Variants in CFAP300 observed in about 807,000 individuals in gnomAD.
CFAP300 encodes cilia- and flagella-associated protein 300.
CFAP300 carries 32 observed loss-of-function variants against 33.0 expected under a neutral mutation model. That is an observed-to-expected ratio of 0.97 (90% CI 0.73 to 1.30). The LOEUF (loss-of-function observed/expected upper bound fraction) is 1.30, where lower values mean the gene tolerates loss of function less well. Among genes scored for constraint, CFAP300 ranks in the 50% most tolerant of loss-of-function variants. The pLI, the probability that CFAP300 is intolerant of heterozygous loss-of-function variation, is 0.00. For synonymous variants in CFAP300, 102 were observed against 106.8 expected (o/e 0.95, Z 0.28); for missense variants, 356 against 318.1 (o/e 1.12, Z -0.90).
At chr11:102,054,650 A>G (rs1942022389) in intron 2 of CFAP300, among the ~76,000 whole-genome samples, 1 of 149,416 alleles carries the variant, frequency 6.7e-6, no homozygotes, top group Non-Finnish European at 1.5e-5. Flanking sequence ...AATCTATTGA[A>G]CCCAGGAGGT....
At chr11:102,080,611 G>T (rs936848573) in intron 5 of CFAP300, among the ~76,000 whole-genome samples, 1 of 151,978 alleles carries the variant, frequency 6.6e-6, no homozygotes, top group African/African-American at 2.4e-5. Context: ...TGTTGGTCAG[G>T]CTGGTCTCGA....
intron 4 of CFAP300, among the ~76,000 whole-genome samples, chr11:102,072,251 T>A (rs985243267): frequency 5.9e-5 from 9 of 152,100 alleles, no homozygotes; most frequent in Non-Finnish European, 1.0e-4. Context: ...TCTTTGGCTT[T>A]ATGTAGTCTA....
At chr11:102,058,406 G>A (rs749399339) in intron 2 of CFAP300, among the ~76,000 whole-genome samples, 1 of 151,614 alleles carries the variant, frequency 6.6e-6, no homozygotes, top group Non-Finnish European at 1.5e-5. Context: ...ACTACAAAAG[G>A]ATCTGGAACT....
intron 4 of CFAP300, among the ~76,000 whole-genome samples, chr11:102,072,173 C>A (rs1341941890): frequency 2.6e-5 from 4 of 151,078 alleles, no homozygotes; most frequent in African/African-American, 7.3e-5. Flanking sequence ...TTTGTTCATT[C>A]TTTTTCTCTT....
chr11:102,061,655 A>G (rs762977671), intron 3 of CFAP300, among the ~76,000 whole-genome samples: 1 of 152,236 alleles, frequency 6.6e-6, no homozygotes, highest in Non-Finnish European at 1.5e-5. Flanking sequence ...ACAAATGAAT[A>G]GTCAGAGGCA....
At chr11:102,080,691 C>T (rs560759299) in intron 5 of CFAP300, among the ~76,000 whole-genome samples, 5 of 152,188 alleles carry the variant, frequency 3.3e-5, no homozygotes, top group African/African-American at 9.6e-5. Context: ...TGAGCCACCG[C>T]GACCGGCCCA....
chr11:102,066,018 C>A (rs979459961), intron 3 of CFAP300, among the ~76,000 whole-genome samples: 1 of 144,516 alleles, frequency 6.9e-6, no homozygotes. Flanking sequence ...AGTGCAGTGT[C>A]GCAATCTTGG....
intron 5 of CFAP300, among the ~76,000 whole-genome samples, chr11:102,080,448 G>T (rs995415304): frequency 6.6e-6 from 1 of 151,870 alleles, no homozygotes; most frequent in African/African-American, 2.4e-5. Flanking sequence ...ATGGAGTTTC[G>T]CTCCTGTTGC....
At chr11:102,048,089 C>T (rs2135006962) in intron 2 of CFAP300, among the ~76,000 whole-genome samples, 193 bp downstream of exon 2, 1 of 152,066 alleles carries the variant, frequency 6.6e-6, no homozygotes, top group East Asian at 1.9e-4. Flanking sequence ...AATTTGTTTG[C>T]CATTTAGTTC....
intron 2 of CFAP300, among the ~76,000 whole-genome samples, chr11:102,048,808 G>GT (rs137989907): frequency 0.13 from 19,891 of 149,068 alleles, 1,721 homozygotes; most frequent in East Asian, 0.39. Flanking sequence ...TTTCAATCCT[G>GT]TTTTTTTTTT....
intron 3 of CFAP300, among the ~76,000 whole-genome samples, chr11:102,064,802 G>A (rs897241233): frequency 3.3e-5 from 5 of 152,144 alleles, no homozygotes; most frequent in African/African-American, 4.8e-5. Flanking sequence ...CTGATTCAGT[G>A]ATCGATGGAG....
At chr11:102,047,778 A>C in intron 1 of CFAP300, 37 bp from the exon 2 acceptor site, 1 of 1,604,706 alleles carries the variant, frequency 6.2e-7, no homozygotes, top group Non-Finnish European at 8.5e-7. Flanking sequence ...AGAGGGTGCC[A>C]GCCCCCAGAT....
chr11:102,077,658 T>C (rs551924631), intron 5 of CFAP300, among the ~76,000 whole-genome samples: 67 of 152,312 alleles, frequency 4.4e-4, no homozygotes, highest in Admixed American at 3.0e-3. Flanking sequence ...CACTGCAACC[T>C]CCACCTCCTG....
intron 2 of CFAP300, among the ~76,000 whole-genome samples, chr11:102,054,804 A>G (rs915384724): frequency 3.3e-5 from 5 of 151,402 alleles, no homozygotes; most frequent in Admixed American, 6.6e-5. Flanking sequence ...AAGAGGGAAA[A>G]GTGAGTGATC....
At position 102,048,268 on chromosome 11, in the gene CFAP300, G is replaced by C. The variant is rs1211442140; in HGVS notation, c.192+372G>C. The stretch of plus-strand genomic sequence containing the variant: ...ATTTTTTGAAACAGGGTCTTTCTCT[G>C]TCACCCAGGCTGAATAAAGTGCAGT... On this transcript the variant is annotated intron_variant, in intron 2 of 6. Coordinates refer to ENST00000434758, the MANE Select transcript of CFAP300 (RefSeq NM_032930.3). 2.0e-5 allele frequency among the ~76,000 whole-genome samples: 3 copies of C among 151,754 alleles called. No individual in the cohort carries two copies. In the East Asian group the frequency reaches 5.8e-4, roughly 29 times the overall value.
chr11:102,080,822 A>G (rs974844714), intron 5 of CFAP300, among the ~76,000 whole-genome samples: 2 of 152,230 alleles, frequency 1.3e-5, no homozygotes, highest in Non-Finnish European at 2.9e-5. Flanking sequence ...AAAGTGAAAG[A>G]ACTAGCATTT....
intron 6 of CFAP300, among the ~76,000 whole-genome samples, chr11:102,082,360 AAG>A (rs1174828586): frequency 1.3e-5 from 2 of 152,056 alleles, no homozygotes; most frequent in Non-Finnish European, 2.9e-5. Flanking sequence ...GACTGGGCAA[AAG>A]AGTAAGACTC....
intron 2 of CFAP300, 80 bp from the exon 3 acceptor site, chr11:102,058,800 G>A (rs918451712): frequency 1.5e-5 from 12 of 787,010 alleles, no homozygotes; most frequent in Non-Finnish European, 2.0e-5. Context: ...AATTAAAGGA[G>A]ATTATAGTTA....
At position 102,075,866 on chromosome 11, in the gene CFAP300, G is replaced by C; in HGVS notation, c.436-7G>C. 2 of 1,584,718 alleles carry C rather than the reference G, an allele frequency of 1.3e-6. No individual in the cohort carries two copies. Among genetic ancestry groups the C allele is most frequent in the Non-Finnish European group, 1.7e-6 (2 of 1,159,678 alleles). ...ATGTTACATTAAGATGAATTTTATC[G>C]TCTTAGGTTTTGCTAGTGGAAGACT... is the stretch of plus-strand genomic sequence containing the variant. On this transcript the variant is annotated splice_polypyrimidine_tract_variant and splice_region_variant and intron_variant, in intron 4 of 6. Transcript: ENST00000434758.
Sources: gnomAD v4.1 joint callset for allele counts (sites outside exome capture counted in the v4.1 genomes callset) on GRCh38, gnomAD v4.1.1 for gene constraint, MANE v1.5 for transcripts, NCBI Gene and HGNC (gene_info 2026-07-23, HGNC 2026-07-21) for gene names.